Variants in PARD3B observed in about 807,000 individuals in gnomAD.
PARD3B encodes par-3 family cell polarity regulator beta, also known as partitioning defective 3 homolog B.
A neutral mutation model predicts 130.2 loss-of-function variants in PARD3B; 103 were observed. That is an observed-to-expected ratio of 0.79 (90% CI 0.67 to 0.93). The LOEUF is 0.93. Ranked by LOEUF, PARD3B falls within the 40% of genes least tolerant of loss-of-function variation. The pLI, the probability that PARD3B is intolerant of heterozygous loss-of-function variation, is 0.00. For missense variants in PARD3B, 1,609 were observed against 1,499.2 expected, an observed-to-expected ratio of 1.07 and a Z score of -1.21; for synonymous variants, 583 against 553.2, an observed-to-expected ratio of 1.05 and a Z score of -0.76.
chr2:205,179,870 A>C (rs1186503415), intron 13 of PARD3B, among the ~76,000 whole-genome samples: 1 of 114,108 alleles, frequency 8.8e-6, no homozygotes, highest in Non-Finnish European at 1.8e-5. Context: ...AAGAAAATCC[A>C]CTCCAAGTGC....
chr2:204,561,509 C>T (rs1399046933), intron 1 of PARD3B, among the ~76,000 whole-genome samples: 2 of 151,980 alleles, frequency 1.3e-5, no homozygotes, highest in Admixed American at 6.6e-5. Flanking sequence ...GGGTGGGCAG[C>T]TCCATTCCTG....
chr2:205,362,542 AT>A (rs1287815315), intron 18 of PARD3B, among the ~76,000 whole-genome samples: 1 of 152,044 alleles, frequency 6.6e-6, no homozygotes, highest in East Asian at 1.9e-4. Context: ...CCCTTTTGTT[AT>A]TTTTCTATAC....
chr2:205,137,958 G>A (rs932240877), intron 10 of PARD3B, among the ~76,000 whole-genome samples: 1 of 152,198 alleles, frequency 6.6e-6, no homozygotes, highest in African/African-American at 2.4e-5. Context: ...TCCCAGGGAT[G>A]GAGGAATAGA....
chr2:204,589,986 C>T (rs1269198455), intron 1 of PARD3B, among the ~76,000 whole-genome samples: 1 of 152,176 alleles, frequency 6.6e-6, no homozygotes, highest in Admixed American at 6.6e-5. Context: ...AAATCCCTTC[C>T]TCCCTTGATA....
At chr2:204,851,638 T>C (rs537160511) in intron 2 of PARD3B, among the ~76,000 whole-genome samples, 2 of 152,348 alleles carry the variant, frequency 1.3e-5, no homozygotes, top group East Asian at 3.9e-4. Flanking sequence ...TGGACCTATG[T>C]CATTATTAAT....
intron 15 of PARD3B, among the ~76,000 whole-genome samples, chr2:205,216,459 A>C (rs970243079): frequency 1.3e-5 from 2 of 152,154 alleles, no homozygotes; most frequent in African/African-American, 4.8e-5. Flanking sequence ...TATTTTTTAT[A>C]TGTTTCTGTA....
At chr2:205,513,343 T>C (rs1244697329) in intron 21 of PARD3B, among the ~76,000 whole-genome samples, 1 of 151,594 alleles carries the variant, frequency 6.6e-6, no homozygotes. Context: ...TATGTATGGA[T>C]ATATATATAT....
intron 2 of PARD3B, among the ~76,000 whole-genome samples, chr2:204,918,787 T>C (rs2125744413): frequency 6.6e-6 from 1 of 152,060 alleles, no homozygotes; most frequent in African/African-American, 2.4e-5. Context: ...GTTGATGTGG[T>C]TATTTGTCCC....
chr2:204,736,808 C>T (rs894353457), intron 2 of PARD3B, among the ~76,000 whole-genome samples: 2 of 152,060 alleles, frequency 1.3e-5, no homozygotes, highest in East Asian at 1.9e-4. Context: ...GTAGGATTGC[C>T]GGATTAAATG....
At chr2:205,214,116 G>A (rs1325133155) in intron 15 of PARD3B, among the ~76,000 whole-genome samples, 1 of 151,902 alleles carries the variant, frequency 6.6e-6, no homozygotes, top group Non-Finnish European at 1.5e-5. Context: ...AGAAGTATGT[G>A]TTTTTATTTA....
At chr2:205,051,971 A>G (rs929845905) in intron 4 of PARD3B, among the ~76,000 whole-genome samples, 2 of 152,154 alleles carry the variant, frequency 1.3e-5, no homozygotes, top group Non-Finnish European at 1.5e-5. Flanking sequence ...ATCCAACTCT[A>G]TTGACTGCTT....
intron 2 of PARD3B, among the ~76,000 whole-genome samples, chr2:204,924,367 G>C (rs1575319934): frequency 6.6e-6 from 1 of 152,014 alleles, no homozygotes; most frequent in Non-Finnish European, 1.5e-5. Context: ...GTAGCTGCTT[G>C]TAGCTTAATT....
Position 204,610,002 on chromosome 2 carries a change from A to C in PARD3B, c.120+63883A>C, listed in dbSNP as rs1166512149. Among the ~76,000 whole-genome samples, 1 of 152,102 alleles carries C rather than the reference A, an allele frequency of 6.6e-6. No individual in the cohort carries two copies. Among genetic ancestry groups the C allele is most frequent in the African/African-American group, 2.4e-5 (1 of 41,380 alleles). On this transcript the variant is annotated intron_variant, in intron 1 of 22. Transcript: ENST00000406610. This position sits in a 1 kb window ranked among gnomAD's most constrained non-coding sequence, Gnocchi z 4.1. The stretch of plus-strand genomic sequence containing the variant: ...TCCTTCAGGGTCTACATGTGACTCT[A>C]TACCAGAGTCAGGTTGGAACTTGGT...
chr2:205,082,378 CTAA>C (rs941687086), intron 4 of PARD3B, among the ~76,000 whole-genome samples: 1 of 152,094 alleles, frequency 6.6e-6, no homozygotes, highest in Non-Finnish European at 1.5e-5. Flanking sequence ...ATTAACAGCA[CTAA>C]TAATAGAACA....
At chr2:204,804,520 A>T (rs528372638) in intron 2 of PARD3B, among the ~76,000 whole-genome samples, 1 of 152,232 alleles carries the variant, frequency 6.6e-6, no homozygotes, top group African/African-American at 2.4e-5. Flanking sequence ...GTAGTGAAAG[A>T]TAGAGACCCC....
chr2:205,395,090 G>A (rs966206713), intron 18 of PARD3B, among the ~76,000 whole-genome samples: 3 of 152,006 alleles, frequency 2.0e-5, no homozygotes, highest in Non-Finnish European at 4.4e-5. Context: ...TTTCCTTTCA[G>A]CAACTGAAAT....
intron 1 of PARD3B, among the ~76,000 whole-genome samples, chr2:204,589,980 C>G (rs887579223): frequency 6.6e-6 from 1 of 152,136 alleles, no homozygotes; most frequent in Non-Finnish European, 1.5e-5. Flanking sequence ...TCAAGCAAAT[C>G]CCTTCCTCCC....
chr2:205,505,881 T>G (rs535920294), intron 21 of PARD3B, among the ~76,000 whole-genome samples: 5 of 151,950 alleles, frequency 3.3e-5, no homozygotes, highest in Admixed American at 3.3e-4. Flanking sequence ...CCAACCTTTT[T>G]AAAAAAAAAT....
chr2:205,189,654 C>A (rs759761224), intron 14 of PARD3B, among the ~76,000 whole-genome samples: 1 of 152,114 alleles, frequency 6.6e-6, no homozygotes, highest in Non-Finnish European at 1.5e-5. Flanking sequence ...AGATATGTAG[C>A]GTAAAGTTAC....
Sources: allele counts gnomAD v4.1 joint callset (sites outside exome capture counted in the v4.1 genomes callset), GRCh38; gene constraint gnomAD v4.1.1; non-coding constraint Gnocchi (gnomAD v3.1); transcripts MANE v1.5; gene names NCBI Gene and HGNC (gene_info 2026-07-23, HGNC 2026-07-21).